ATP8A2: variants seen among roughly 807,000 people sequenced by gnomAD.
The protein encoded by ATP8A2 is ATPase phospholipid transporting 8A2.
A neutral mutation model predicts 165.6 loss-of-function variants in ATP8A2; 100 were observed. The observed-to-expected ratio is 0.60, with a 90% CI of 0.51 to 0.71. The LOEUF is 0.71. Among genes scored for constraint, ATP8A2 ranks in the 30% least tolerant of loss-of-function variants. The pLI, the probability that ATP8A2 is intolerant of heterozygous loss-of-function variation, is 0.00. For missense variants in ATP8A2, 1,227 were observed against 1,479.5 expected, an observed-to-expected ratio of 0.83 and a Z score of 2.80; for synonymous variants, 543 against 548.8, an observed-to-expected ratio of 0.99 and a Z score of 0.15.
At chr13:25,984,152 G>A (rs1402030446) in intron 35 of ATP8A2, among the ~76,000 whole-genome samples, 3 of 151,980 alleles carry the variant, frequency 2.0e-5, no homozygotes, top group African/African-American at 4.8e-5. Context: ...CATGGGGATC[G>A]TTTGAGCCCA....
intron 35 of ATP8A2, among the ~76,000 whole-genome samples, chr13:25,991,987 G>C (rs1015375224): frequency 6.6e-6 from 1 of 150,402 alleles, no homozygotes; most frequent in African/African-American, 2.5e-5. Context: ...CTGCACATTA[G>C]TGGAGGGTTA....
chr13:25,725,210 C>T (rs1566080051), intron 25 of ATP8A2, among the ~76,000 whole-genome samples: 1 of 152,222 alleles, frequency 6.6e-6, no homozygotes, highest in Non-Finnish European at 1.5e-5. Context: ...TTCATTCTTC[C>T]AGTTTCTCTT....
At chr13:25,574,679 T>A in intron 18 of ATP8A2, 129 bp from the exon 19 acceptor site, 2 of 694,548 alleles carry the variant, frequency 2.9e-6, no homozygotes, top group South Asian at 3.2e-5. Context: ...AAACAGTACA[T>A]GTTGCAAAGG....
chr13:25,589,646 C>A lies in ATP8A2; in HGVS notation c.2158C>A (p.Arg720=). Residue 720 remains arginine (R), a synonymous_variant, in exon 24 of 37, where the codon CGA becomes AGA. Coordinates refer to ENST00000381655, the MANE Select transcript of ATP8A2 (RefSeq NM_016529.6). ...ETAINIGYSC[R]LVSQNMALIL... ...TTCCTCCACTTCAGGGTATTCCTGC[C>A]GATTGGTATCGCAGAATATGGCCCT... 6.2e-7 allele frequency: 1 copy of A among 1,611,196 alleles called. No homozygotes were observed. The highest frequency in any genetic ancestry group is 1.1e-5 in the South Asian group (1 of 90,778).
chr13:25,416,039 G>A (rs2034123277), intron 1 of ATP8A2, among the ~76,000 whole-genome samples: 1 of 152,140 alleles, frequency 6.6e-6, no homozygotes, highest in Non-Finnish European at 1.5e-5. Context: ...TGTTGCCTGG[G>A]CTCATCTCAA....
At chr13:25,648,771 A>G (rs1400183816) in intron 24 of ATP8A2, among the ~76,000 whole-genome samples, 1 of 152,244 alleles carries the variant, frequency 6.6e-6, no homozygotes, top group Non-Finnish European at 1.5e-5. Flanking sequence ...ATGTAATGCA[A>G]TGAAAATGCT....
intron 1 of ATP8A2, among the ~76,000 whole-genome samples, chr13:25,451,154 C>A (rs937760687): frequency 6.6e-6 from 1 of 152,106 alleles, no homozygotes; most frequent in Non-Finnish European, 1.5e-5. Flanking sequence ...TCTTCTGGTG[C>A]TTCTTTTTGG....
At chr13:25,421,423 C>T (rs754785451) in intron 1 of ATP8A2, among the ~76,000 whole-genome samples, 1 of 152,220 alleles carries the variant, frequency 6.6e-6, no homozygotes, top group African/African-American at 2.4e-5. Context: ...TAGCCTCGAA[C>T]TTCTGGACTT....
intron 10 of ATP8A2, among the ~76,000 whole-genome samples, chr13:25,550,103 G>A (rs1566253813): frequency 6.6e-6 from 1 of 152,066 alleles, no homozygotes; most frequent in South Asian, 2.1e-4. Flanking sequence ...TCAGGAGTTC[G>A]ACACCAGCCT....
chr13:25,778,300 TACA>T (rs1347768914), intron 27 of ATP8A2, among the ~76,000 whole-genome samples: 5 of 152,236 alleles, frequency 3.3e-5, no homozygotes, highest in East Asian at 1.9e-4. Flanking sequence ...TTTTTATTTA[TACA>T]ACAACAAGTT....
intron 1 of ATP8A2, among the ~76,000 whole-genome samples, chr13:25,451,100 C>T (rs1345632271): frequency 6.6e-6 from 1 of 152,076 alleles, no homozygotes; most frequent in Admixed American, 6.5e-5. Flanking sequence ...CATTAGACCC[C>T]CATGAGGTTG....
At chr13:25,434,272 C>T (rs17725707) in intron 1 of ATP8A2, among the ~76,000 whole-genome samples, 27,461 of 152,156 alleles carry the variant, frequency 0.18, 3,045 homozygotes, top group East Asian at 0.4. Context: ...ATTCAGGACT[C>T]ATACCTGGGC....
intron 2 of ATP8A2, among the ~76,000 whole-genome samples, chr13:25,495,596 A>G (rs975613037): frequency 1.4e-5 from 2 of 145,010 alleles, no homozygotes; most frequent in Admixed American, 1.4e-4. Context: ...AGAAGCTGGG[A>G]CCACAGGCAT....
At chr13:25,512,863 C>T in intron 2 of ATP8A2, among the ~76,000 whole-genome samples, 1 of 139,262 alleles carries the variant, frequency 7.2e-6, no homozygotes, top group Non-Finnish European at 1.6e-5. Flanking sequence ...GGCGGCCAGG[C>T]AGAGGCGCCC....
At chr13:25,855,484 C>T (rs912111732) in intron 30 of ATP8A2, among the ~76,000 whole-genome samples, 2 of 152,072 alleles carry the variant, frequency 1.3e-5, no homozygotes, top group Admixed American at 1.3e-4. Context: ...TAATGGTGTT[C>T]TATCATATTG....
chr13:25,802,032 G>C (rs989077915), intron 27 of ATP8A2, among the ~76,000 whole-genome samples: 4 of 152,156 alleles, frequency 2.6e-5, no homozygotes, highest in Admixed American at 1.3e-4. Context: ...CCCATGACAC[G>C]TGAGGATTAT....
intron 2 of ATP8A2, among the ~76,000 whole-genome samples, chr13:25,522,004 A>G (rs2037686916): frequency 6.6e-6 from 1 of 152,148 alleles, no homozygotes; most frequent in African/African-American, 2.4e-5. Flanking sequence ...TGTTTCTGTG[A>G]AGAATATCAT....
At chr13:25,758,242 A>G (rs536271617) in intron 25 of ATP8A2, among the ~76,000 whole-genome samples, 2 of 152,364 alleles carry the variant, frequency 1.3e-5, no homozygotes, top group South Asian at 2.1e-4. Flanking sequence ...CTTGAACATG[A>G]AATGGAAACA....
chr13:25,921,531 G>A (rs1389593449), intron 33 of ATP8A2, among the ~76,000 whole-genome samples: 1 of 150,794 alleles, frequency 6.6e-6, no homozygotes, highest in Admixed American at 6.6e-5. Context: ...GCTGAGGCAG[G>A]AAAATTGCTT....
Sources: gnomAD v4.1 joint callset for allele counts (sites outside exome capture counted in the v4.1 genomes callset) on GRCh38, gnomAD v4.1.1 for gene constraint, MANE v1.5 for transcripts, NCBI Gene and HGNC (gene_info 2026-07-23, HGNC 2026-07-21) for gene names.